Variants in RASEF observed in about 807,000 individuals in gnomAD.
The protein encoded by RASEF is ras and EF-hand domain-containing protein.
A neutral mutation model predicts 90.1 loss-of-function variants in RASEF; 68 were observed. The observed-to-expected ratio is 0.75, with a 90% CI of 0.62 to 0.92. The LOEUF (loss-of-function observed/expected upper bound fraction) is 0.92. RASEF is among the 40% of genes least tolerant of loss of function. RASEF has a pLI of 0.00. For synonymous variants in RASEF, 331 were observed against 345.2 expected (o/e 0.96, Z 0.46); for missense variants, 949 against 937.2 (o/e 1.01, Z -0.16).
chr9:82,995,405 C>T lies in RASEF; in HGVS notation c.1920+1607G>A, dbSNP rs532165387. Among the ~76,000 whole-genome samples, 5 of 152,322 alleles carry T rather than the reference C, an allele frequency of 3.3e-5. No homozygotes were observed. The South Asian group carries it at 6.2e-4, about 19-fold the overall frequency. ...CATCCCAGGGATCTCCATTTGTTCACTTGAGTAGCCATTGCTCCTCTATGC... is the reference window on the plus strand; with the variant it reads ...CATCCCAGGGATCTCCATTTGTTCATTTGAGTAGCCATTGCTCCTCTATGC... On this transcript the variant is annotated intron_variant, in intron 14 of 16. Coordinates refer to ENST00000376447, the MANE Select transcript of RASEF (RefSeq NM_152573.4).
At chr9:83,030,046 C>T (rs545381589) in intron 1 of RASEF, among the ~76,000 whole-genome samples, 17 of 152,250 alleles carry the variant, frequency 1.1e-4, no homozygotes, top group African/African-American at 4.1e-4. Flanking sequence ...TTAATAGAAC[C>T]CTGCCTGTCA....
chr9:83,201,910 A>C, the RASEF span: 1 of 152,610 alleles, frequency 6.6e-6, no homozygotes, highest in Non-Finnish European at 1.5e-5. Context: ...CCGAGAAGCC[A>C]GATCAGGACA....
At chr9:83,026,412 G>T (rs1829549855) in intron 1 of RASEF, among the ~76,000 whole-genome samples, 1 of 152,068 alleles carries the variant, frequency 6.6e-6, no homozygotes, top group South Asian at 2.1e-4. Context: ...CACATGACTG[G>T]GAGGCCTCAG....
At chr9:82,985,040 A>G (rs557782977) in intron 16 of RASEF, among the ~76,000 whole-genome samples, 1 of 152,342 alleles carries the variant, frequency 6.6e-6, no homozygotes, top group South Asian at 2.1e-4. Context: ...GCATGCAGAA[A>G]GGCAGAGGCA....
At chr9:83,169,519 T>C in the RASEF span, among the ~76,000 whole-genome samples, 1 of 152,068 alleles carries the variant, frequency 6.6e-6, no homozygotes, top group Non-Finnish European at 1.5e-5. Flanking sequence ...TATGAGCATT[T>C]CCTTTTCTCC....
the RASEF span, among the ~76,000 whole-genome samples, chr9:83,200,232 C>A: frequency 1.3e-5 from 2 of 152,068 alleles, no homozygotes; most frequent in Non-Finnish European, 2.9e-5. Context: ...CCCATCTCTA[C>A]TAAAAACACA....
At chr9:83,097,463 G>A in the RASEF span, among the ~76,000 whole-genome samples, 2 of 152,142 alleles carry the variant, frequency 1.3e-5, no homozygotes, top group Admixed American at 6.5e-5. Context: ...AGAGTGAACA[G>A]GCAACCTACA....
At chr9:83,068,977 A>C in the RASEF span, among the ~76,000 whole-genome samples, 1 of 152,182 alleles carries the variant, frequency 6.6e-6, no homozygotes, top group Non-Finnish European at 1.5e-5. Context: ...ATGCCATTTA[A>C]TATTGTCCAA....
rs144406376 is a variant in RASEF, at chr9:82,988,001, G to A, written c.2117+2390C>T. Reference sequence around the variant, plus strand: ...CATGGGAGCAGCAATGCAGTGTTCCGCTGACCAAGGCTAAGGCATACCAGG... The same window carrying A: ...CATGGGAGCAGCAATGCAGTGTTCCACTGACCAAGGCTAAGGCATACCAGG... On this transcript the variant is annotated intron_variant, in intron 16 of 16. Coordinates refer to ENST00000376447, the MANE Select transcript of RASEF (RefSeq NM_152573.4). Among the ~76,000 whole-genome samples, 835 of 152,288 alleles carry A rather than the reference G, an allele frequency of 5.5e-3. 8 individuals are homozygous for A. Among genetic ancestry groups the A allele is most frequent in the African/African-American group, 0.019 (777 of 41,572 alleles).
At chr9:83,057,264 A>G (rs752155894) in intron 1 of RASEF, among the ~76,000 whole-genome samples, 2 of 152,242 alleles carry the variant, frequency 1.3e-5, no homozygotes, top group Non-Finnish European at 2.9e-5. Flanking sequence ...GTTGGCTGAC[A>G]ATATAATCTT....
At chr9:83,142,713 A>T in the RASEF span, among the ~76,000 whole-genome samples, 1 of 152,304 alleles carries the variant, frequency 6.6e-6, no homozygotes, top group African/African-American at 2.4e-5. Flanking sequence ...CAAGGATGGG[A>T]ACCTGTGTTG....
intron 15 of RASEF, 21 bp downstream of exon 15, chr9:82,992,885 C>G: frequency 6.2e-7 from 1 of 1,612,062 alleles, no homozygotes; most frequent in Non-Finnish European, 8.5e-7. Flanking sequence ...TCTTCTAATT[C>G]TGAGGCATCC....
chr9:83,113,925 A>C, the RASEF span, among the ~76,000 whole-genome samples: 2 of 151,774 alleles, frequency 1.3e-5, no homozygotes, highest in East Asian at 3.9e-4. Context: ...CTGTTTGTAC[A>C]CCCCCTCTCC....
At chr9:83,011,810 T>C (rs574179130) in intron 5 of RASEF, among the ~76,000 whole-genome samples, 10 of 152,134 alleles carry the variant, frequency 6.6e-5, no homozygotes, top group East Asian at 1.9e-4. Context: ...AATCTGGAAC[T>C]AGGAATTCAT....
chr9:83,147,712 T>C, the RASEF span, among the ~76,000 whole-genome samples: 1 of 151,952 alleles, frequency 6.6e-6, no homozygotes, highest in Non-Finnish European at 1.5e-5. Context: ...GGTACCCAGG[T>C]CCTTGTCTGG....
At chr9:83,119,093 C>T in the RASEF span, among the ~76,000 whole-genome samples, 150 of 148,102 alleles carry the variant, frequency 1.0e-3, 1 homozygote, top group African/African-American at 3.7e-3. Flanking sequence ...CTGCAATCTC[C>T]ACCTCCCAGG....
the RASEF span, among the ~76,000 whole-genome samples, chr9:83,165,032 A>G: frequency 1.3e-5 from 2 of 152,062 alleles, no homozygotes; most frequent in African/African-American, 4.8e-5. Flanking sequence ...ACGAGGAAAA[A>G]AAATAAATGA....
chr9:83,036,696 T>G (rs185716219), intron 1 of RASEF, among the ~76,000 whole-genome samples: 1 of 152,234 alleles, frequency 6.6e-6, no homozygotes, highest in African/African-American at 2.4e-5. Flanking sequence ...CCTAAATGGA[T>G]GCTGGAACAA....
the RASEF span, among the ~76,000 whole-genome samples, chr9:83,120,730 A>G: frequency 7.7e-4 from 117 of 152,268 alleles, no homozygotes; most frequent in Admixed American, 1.4e-3. Context: ...AAAAATGTAG[A>G]TTGGTAATCA....
Sources: gnomAD v4.1 joint callset for allele counts (sites outside exome capture counted in the v4.1 genomes callset) on GRCh38, gnomAD v4.1.1 for gene constraint, MANE v1.5 for transcripts, NCBI Gene and HGNC (gene_info 2026-07-23, HGNC 2026-07-21) for gene names.